Variants in GAS7 observed in about 807,000 individuals in gnomAD.
GAS7 encodes the protein growth arrest specific 7.
A neutral mutation model predicts 71.1 loss-of-function variants in GAS7; 28 were observed. The ratio of observed to expected loss-of-function variants is 0.39; its 90% CI spans 0.29 to 0.54. The LOEUF is 0.54. Among genes scored for constraint, GAS7 ranks in the 20% least tolerant of loss-of-function variants. GAS7 has a pLI of 0.62. For missense variants in GAS7, 436 were observed against 627.8 expected (o/e 0.69, Z 3.27); for synonymous variants, 258 against 245.8 (o/e 1.05, Z -0.46).
chr17:10,170,121 CCTTA>C (rs1432352793), intron 1 of GAS7, among the ~76,000 whole-genome samples: 2 of 152,142 alleles, frequency 1.3e-5, no homozygotes, highest in East Asian at 1.9e-4. Flanking sequence ...GCAATAACCA[CCTTA>C]CTTGTCTCCC....
At chr17:10,105,267 C>T (rs1278314093) in intron 1 of GAS7, among the ~76,000 whole-genome samples, 1 of 152,158 alleles carries the variant, frequency 6.6e-6, no homozygotes, top group African/African-American at 2.4e-5. Flanking sequence ...CTCTTGCCTT[C>T]CAGGTGTGGT....
At chr17:10,183,774 G>A (rs1057300481) in intron 1 of GAS7, among the ~76,000 whole-genome samples, 60 of 152,176 alleles carry the variant, frequency 3.9e-4, no homozygotes, top group Middle Eastern at 3.4e-3. Flanking sequence ...CCCAGGAGGC[G>A]GAGCTTGCAG....
At position 10,176,542 on chromosome 17, in the gene GAS7, A is replaced by C. The variant is rs537471587; in HGVS notation, c.183+21666T>G. ...TCACCACCCTTTTGACAGCTGAAAAAACTGAAGGTCAGAGATCTTACATGA... is the reference window on the plus strand; with the variant it reads ...TCACCACCCTTTTGACAGCTGAAAACACTGAAGGTCAGAGATCTTACATGA... On this transcript the variant is annotated intron_variant, in intron 1 of 13. Coordinates refer to ENST00000432992, the MANE Select transcript of GAS7 (RefSeq NM_201433.2). Among the ~76,000 whole-genome samples the C allele has an allele frequency of 1.1e-4, 16 of 152,296 alleles. No individual in the cohort carries two copies. The East Asian group carries it at 3.1e-3, about 29-fold the overall frequency.
rs368337032 is a variant in GAS7 at position 10,006,682 on chromosome 17, A to AT, written c.304+13094dup. Reference sequence around the variant, plus strand: ...TAAGTTGAAAGCAGAGTGCATGCGTATTTTTTTTTAATAGCAAAAATGCTG... The same window carrying AT: ...TAAGTTGAAAGCAGAGTGCATGCGTATTTTTTTTTTAATAGCAAAAATGCTG... On this transcript the variant is annotated intron_variant, in intron 2 of 13. Transcript: ENST00000432992. 2.1e-4 allele frequency among the ~76,000 whole-genome samples: 32 copies of AT among 151,232 alleles called. No individual in the cohort carries two copies. In the South Asian group the frequency reaches 6.3e-3, roughly 30 times the overall value.
chr17:9,947,124 C>T, intron 5 of GAS7, 141 bp from the exon 6 acceptor site: 1 of 573,362 alleles, frequency 1.7e-6, no homozygotes, highest in Non-Finnish European at 3.2e-6. Context: ...CTCCAGGGGC[C>T]AGCATTTCAC....
chr17:10,192,190 C>G (rs1567627429), intron 1 of GAS7, among the ~76,000 whole-genome samples: 2 of 152,186 alleles, frequency 1.3e-5, no homozygotes, highest in Non-Finnish European at 2.9e-5. Flanking sequence ...TGCCAGCCGC[C>G]ACTTCTTCTT....
rs746004254 is a variant in GAS7, at chr17:9,926,612, GCC to G, written c.1014+27_1014+28del. 2 of 1,610,164 alleles carry G rather than the reference GCC, an allele frequency of 1.2e-6. No homozygotes were observed. The highest frequency in any genetic ancestry group is 2.2e-5 in the East Asian group (1 of 44,878). Reference sequence around the variant, plus strand: ...CTTCCAGGCAGTCCCCCATGCACCTGCCCTGGCCCAGCGTCCTGGGCCTCTCA... The same window carrying G: ...CTTCCAGGCAGTCCCCCATGCACCTGCTGGCCCAGCGTCCTGGGCCTCTCA... On this transcript the variant is annotated intron_variant, in intron 10 of 13. Transcript: ENST00000432992. The surrounding 1 kb of genome is among the most constrained non-coding windows in gnomAD (Gnocchi z 5.0).
At chr17:10,077,200 G>T (rs1304553573) in intron 1 of GAS7, among the ~76,000 whole-genome samples, 3 of 152,174 alleles carry the variant, frequency 2.0e-5, no homozygotes, top group Non-Finnish European at 2.9e-5. Flanking sequence ...GAGGTTGGAG[G>T]TGATCTCTGG....
At chr17:10,020,682 C>T (rs897100158) in intron 1 of GAS7, among the ~76,000 whole-genome samples, 27 of 152,084 alleles carry the variant, frequency 1.8e-4, no homozygotes, top group South Asian at 1.2e-3. Context: ...GAGGCCGAGG[C>T]GGGCGGATTG....
chr17:10,028,336 T>A (rs1411342235), intron 1 of GAS7, among the ~76,000 whole-genome samples: 1 of 152,162 alleles, frequency 6.6e-6, no homozygotes, highest in Non-Finnish European at 1.5e-5. Context: ...ATTGTGCCAC[T>A]GCACTCCAGC....
At position 10,015,483 on chromosome 17, in the gene GAS7, A is replaced by G. The variant is rs376509671; in HGVS notation, c.304+4294T>C. On this transcript the variant is annotated intron_variant, in intron 2 of 13. Transcript: ENST00000432992. ...AGCAAGGGGCCAGGCAGAAAGGCAG[A>G]TAGATGCAGCTGGCCCAGCAGTGAG... Among the ~76,000 whole-genome samples, 59 of 152,318 alleles carry G rather than the reference A, an allele frequency of 3.9e-4. No homozygotes were observed. In the East Asian group the frequency reaches 5.4e-3, roughly 14 times the overall value.
intron 5 of GAS7, among the ~76,000 whole-genome samples, chr17:9,955,099 T>G (rs1397415149): frequency 1.3e-5 from 2 of 152,164 alleles, no homozygotes; most frequent in African/African-American, 4.8e-5. Context: ...GGGCCACCAC[T>G]TTTATCCTTG....
At chr17:10,052,870 G>T (rs1013423419) in intron 1 of GAS7, among the ~76,000 whole-genome samples, 1 of 152,140 alleles carries the variant, frequency 6.6e-6, no homozygotes, top group African/African-American at 2.4e-5. Context: ...CACCCCCACA[G>T]CGGCTCTCCT....
At chr17:9,957,635 G>A (rs28502225) in intron 5 of GAS7, among the ~76,000 whole-genome samples, 29,164 of 143,952 alleles carry the variant, frequency 0.2, 3,280 homozygotes, top group Middle Eastern at 0.37. Context: ...GAGAGCTCCT[G>A]CTGTGCCCCA....
intron 6 of GAS7, among the ~76,000 whole-genome samples, chr17:9,945,401 G>T (rs78878692): frequency 2.0e-4 from 30 of 151,730 alleles, no homozygotes; most frequent in African/African-American, 7.0e-4. Flanking sequence ...AAAGTCTTAC[G>T]CACTCTGATG....
At chr17:10,066,273 C>T (rs1401000222) in intron 1 of GAS7, among the ~76,000 whole-genome samples, 2 of 152,104 alleles carry the variant, frequency 1.3e-5, no homozygotes, top group African/African-American at 2.4e-5. Flanking sequence ...CTCCGCCTCC[C>T]GGGTTCAAGC....
chr17:10,128,923 T>C (rs911275236), intron 1 of GAS7, among the ~76,000 whole-genome samples: 13 of 152,220 alleles, frequency 8.5e-5, no homozygotes, highest in Admixed American at 5.2e-4. Flanking sequence ...GCACCCGGCC[T>C]GCTTTTTCTT....
chr17:10,031,782 T>C (rs942743593), intron 1 of GAS7, among the ~76,000 whole-genome samples: 14 of 152,238 alleles, frequency 9.2e-5, no homozygotes, highest in Non-Finnish European at 2.1e-4. Context: ...TCCTTTTCGT[T>C]GGTGGCATCT....
At chr17:10,148,359 C>T (rs765146877) in intron 1 of GAS7, among the ~76,000 whole-genome samples, 16 of 151,962 alleles carry the variant, frequency 1.1e-4, no homozygotes, top group African/African-American at 1.9e-4. Flanking sequence ...ACCTGCAATC[C>T]CAGCACTTTG....
Sources: gnomAD v4.1 joint callset for allele counts (sites outside exome capture counted in the v4.1 genomes callset) on GRCh38, gnomAD v4.1.1 for gene constraint, Gnocchi (gnomAD v3.1) non-coding constraint, MANE v1.5 for transcripts, NCBI Gene and HGNC (gene_info 2026-07-23, HGNC 2026-07-21) for gene names.